Variants in ABLIM1 observed in about 807,000 individuals in gnomAD.
The protein encoded by ABLIM1 is actin binding LIM protein 1.
In ABLIM1, 40 loss-of-function variants were observed where a neutral mutation model predicts 107.0. The ratio of observed to expected loss-of-function variants is 0.37; its 90% CI spans 0.29 to 0.49. ABLIM1 has a LOEUF of 0.49. ABLIM1 is among the 20% of genes least tolerant of loss of function. The pLI is 0.97. For synonymous variants in ABLIM1, 357 were observed against 357.3 expected (o/e 1.00, Z 0.01); for missense variants, 857 against 1,008.5 (o/e 0.85, Z 2.04).
intron 1 of ABLIM1, among the ~76,000 whole-genome samples, chr10:114,711,178 C>T (rs1591863932): frequency 2.0e-5 from 3 of 152,330 alleles, no homozygotes; most frequent in South Asian, 2.1e-4. Flanking sequence ...GGTTGTTACA[C>T]GTAAGGAACG....
intron 1 of ABLIM1, among the ~76,000 whole-genome samples, chr10:114,741,311 C>T (rs1400457360): frequency 2.8e-5 from 4 of 145,018 alleles, no homozygotes; most frequent in Admixed American, 7.1e-5. Context: ...CTGCAAGCTC[C>T]GCCTCTCAGG....
intron 1 of ABLIM1, among the ~76,000 whole-genome samples, chr10:114,667,427 C>T (rs2080071926): frequency 6.6e-6 from 1 of 152,226 alleles, no homozygotes; most frequent in Non-Finnish European, 1.5e-5. Context: ...TTTATTCCTA[C>T]ACATACAGTC....
upstream of ABLIM1, chr10:114,689,995 G>A (rs1281325782): frequency 7.0e-6 from 4 of 569,530 alleles, no homozygotes; most frequent in East Asian, 1.2e-4. Context: ...ATTCAGCTAG[G>A]CATAGGGAAC....
chr10:114,595,031 A>C (rs1566044258), intron 2 of ABLIM1: 1 of 152,176 alleles, frequency 6.6e-6, no homozygotes, highest in East Asian at 1.9e-4. Flanking sequence ...TATATGGGAC[A>C]GCCCAGGAAA....
chr10:114,749,745 GC>G (rs1280035993), intron 1 of ABLIM1, among the ~76,000 whole-genome samples: 3 of 151,894 alleles, frequency 2.0e-5, no homozygotes, highest in Non-Finnish European at 4.4e-5. Flanking sequence ...GCCTCGCTGT[GC>G]CCTAAACACT....
intron 12 of ABLIM1, among the ~76,000 whole-genome samples, chr10:114,454,558 A>AAG (rs1451044683): frequency 6.6e-6 from 1 of 152,132 alleles, no homozygotes; most frequent in African/African-American, 2.4e-5. Flanking sequence ...TGGAGGAGAG[A>AAG]AGAGGGACCA....
chr10:114,746,517 G>A (rs1389936648), intron 1 of ABLIM1, among the ~76,000 whole-genome samples: 1 of 152,144 alleles, frequency 6.6e-6, no homozygotes, highest in Non-Finnish European at 1.5e-5. Flanking sequence ...TCCATAACTT[G>A]GCTATTGTGA....
chr10:114,634,129 C>CCTTTTTTTT (rs1555212577), intron 1 of ABLIM1, among the ~76,000 whole-genome samples: 7 of 68,296 alleles, frequency 1.0e-4, no homozygotes, highest in Admixed American at 4.0e-4. Context: ...CTCAATTTTT[C>CCTTTTTTTT]TTTTTTTTTT....
chr10:114,611,663 T>C (rs1448632058), intron 1 of ABLIM1, among the ~76,000 whole-genome samples: 1 of 152,224 alleles, frequency 6.6e-6, no homozygotes, highest in South Asian at 2.1e-4. Context: ...GGTACTAGGA[T>C]TATCATAATT....
chr10:114,572,824 G>A (rs2071889834), intron 3 of ABLIM1, among the ~76,000 whole-genome samples: 1 of 152,180 alleles, frequency 6.6e-6, no homozygotes, highest in African/African-American at 2.4e-5. Context: ...AGGTTCTTTT[G>A]CCTCCGACCA....
At chr10:114,645,030 T>C (rs909634240) in intron 1 of ABLIM1, among the ~76,000 whole-genome samples, 16 of 152,154 alleles carry the variant, frequency 1.1e-4, no homozygotes, top group African/African-American at 3.6e-4. Flanking sequence ...TATAAGTGGA[T>C]TTCTGTTCTT....
chr10:114,657,781 G>A (rs1452368002), intron 1 of ABLIM1, among the ~76,000 whole-genome samples, 176 bp downstream of exon 1: 5 of 152,268 alleles, frequency 3.3e-5, no homozygotes, highest in East Asian at 1.9e-4. Context: ...ATTTAGCTCC[G>A]TAGCTACACT....
rs2058862576 is a variant in ABLIM1 at position 114,431,573 on chromosome 10, T to C, written c.*4687A>G. ...AGAACATCAGTTTTGTGGACAATGGTTTCCTCTGCTGTAAAGAAACGTATG... is the reference window on the plus strand; with the variant it reads ...AGAACATCAGTTTTGTGGACAATGGCTTCCTCTGCTGTAAAGAAACGTATG... On this transcript the variant is annotated 3_prime_UTR_variant, in exon 23 of 23. Coordinates refer to ENST00000533213, the MANE Select transcript of ABLIM1 (RefSeq NM_002313.7). The C allele has an allele frequency of 1.3e-5, 2 of 152,166 alleles. No homozygotes were observed. The highest frequency in any genetic ancestry group is 4.1e-4 in the South Asian group (2 of 4,830). The allele number at this position is 152,166 out of a possible 1,614,324, so 9.4% of individuals were successfully genotyped here. A position where few individuals can be genotyped will look rare whatever the true frequency, so the allele number is the denominator to read the frequency against.
chr10:114,434,418 A>G lies in ABLIM1; in HGVS notation c.*1842T>C, dbSNP rs1308031265. ...AGAGCACAGGAGGATGCTATAGAAC[A>G]GTGACTGTTCATTCCATCCCCCAAA... On this transcript the variant is annotated 3_prime_UTR_variant, in exon 23 of 23. Coordinates refer to ENST00000533213, the MANE Select transcript of ABLIM1 (RefSeq NM_002313.7). 6.6e-6 allele frequency: 1 copy of G among 152,182 alleles called. No homozygotes were observed. The highest frequency in any genetic ancestry group is 1.9e-4 in the East Asian group (1 of 5,194). The allele number at this position is 152,182 out of a possible 1,614,324, so 9.4% of individuals were successfully genotyped here. A position where few individuals can be genotyped will look rare whatever the true frequency, so the allele number is the denominator to read the frequency against.
chr10:114,587,384 T>C (rs2074307557), intron 2 of ABLIM1, among the ~76,000 whole-genome samples: 2 of 152,204 alleles, frequency 1.3e-5, no homozygotes, highest in Admixed American at 1.3e-4. Context: ...CATTCTATTC[T>C]ATATAAGGAT....
chr10:114,626,665 G>A (rs2140561238), intron 1 of ABLIM1, among the ~76,000 whole-genome samples: 1 of 152,252 alleles, frequency 6.6e-6, no homozygotes, highest in Non-Finnish European at 1.5e-5. Context: ...TAACACTGAT[G>A]CCTGCGTGTA....
intron 2 of ABLIM1, among the ~76,000 whole-genome samples, chr10:114,584,283 C>T (rs930099607): frequency 1.8e-4 from 27 of 152,180 alleles, no homozygotes; most frequent in African/African-American, 6.3e-4. Context: ...CCAATTAGCA[C>T]TGCGAATACC....
At chr10:114,562,496 T>A (rs2069891656) in intron 4 of ABLIM1, among the ~76,000 whole-genome samples, 1 of 152,146 alleles carries the variant, frequency 6.6e-6, no homozygotes. Flanking sequence ...GCCACTGCAG[T>A]CCACCTTGGG....
At chr10:114,534,571 G>A (rs906147674) in intron 6 of ABLIM1, among the ~76,000 whole-genome samples, 1 of 152,000 alleles carries the variant, frequency 6.6e-6, no homozygotes, top group Admixed American at 6.6e-5. Context: ...TTTTAAAGAC[G>A]CATGCCTTAT....
Sources: gnomAD v4.1 joint callset for allele counts (sites outside exome capture counted in the v4.1 genomes callset) on GRCh38, gnomAD v4.1.1 for gene constraint, MANE v1.5 for transcripts, NCBI Gene and HGNC (gene_info 2026-07-23, HGNC 2026-07-21) for gene names.